Variants in CDC14A observed in about 807,000 individuals in gnomAD.
CDC14A encodes cell division cycle 14A.
A neutral mutation model predicts 74.4 loss-of-function variants in CDC14A; 53 were observed. The observed-to-expected ratio is 0.71, with a 90% CI of 0.57 to 0.89. The LOEUF is 0.89. Ranked by LOEUF, CDC14A falls within the 40% of genes least tolerant of loss-of-function variation. The pLI is 0.00. For synonymous variants in CDC14A, 247 were observed against 258.4 expected (o/e 0.96, Z 0.43); for missense variants, 646 against 713.7 (o/e 0.91, Z 1.08).
chr1:100,458,689 A>ATT lies in CDC14A; in HGVS notation c.607+3211_607+3212dup, dbSNP rs397793689. 3.8e-3 allele frequency among the ~76,000 whole-genome samples: 548 copies of ATT among 145,698 alleles called. 8 individuals are homozygous for ATT. Among genetic ancestry groups the ATT allele is most frequent in the African/African-American group, 0.012 (486 of 39,900 alleles). ...ATCCAATTACAGTGACGTCTTGGTAATTTTTTTTTTTTTTTGAATTGAGAA... is the reference window on the plus strand; with the variant it reads ...ATCCAATTACAGTGACGTCTTGGTAATTTTTTTTTTTTTTTTTGAATTGAGAA... On this transcript the variant is annotated intron_variant, in intron 8 of 15. Transcript: ENST00000336454.
chr1:100,425,305 G>A (rs1286728283), intron 5 of CDC14A, among the ~76,000 whole-genome samples: 1 of 152,070 alleles, frequency 6.6e-6, no homozygotes, highest in Non-Finnish European at 1.5e-5. Flanking sequence ...GCAAGCATGT[G>A]TATTGCTTAT....
intron 9 of CDC14A, among the ~76,000 whole-genome samples, chr1:100,463,653 A>G (rs761773052): frequency 3.9e-5 from 6 of 152,246 alleles, no homozygotes; most frequent in Non-Finnish European, 8.8e-5. Flanking sequence ...TGCAGGGAAC[A>G]TGCATTCTGT....
intron 2 of CDC14A, among the ~76,000 whole-genome samples, chr1:100,369,851 C>T (rs1170343546): frequency 6.6e-6 from 1 of 150,476 alleles, no homozygotes; most frequent in African/African-American, 2.4e-5. Flanking sequence ...TTTTGAGACA[C>T]CTAAGTTGGA....
chr1:100,468,128 C>G (rs764641698), intron 10 of CDC14A, 34 bp downstream of exon 10: 2 of 1,611,310 alleles, frequency 1.2e-6, no homozygotes, highest in South Asian at 2.2e-5. Context: ...ACATTATATC[C>G]TGTTCTTGAT....
At chr1:100,419,059 A>G (rs1029028026) in intron 4 of CDC14A, among the ~76,000 whole-genome samples, 1 of 152,060 alleles carries the variant, frequency 6.6e-6, no homozygotes, top group Non-Finnish European at 1.5e-5. Context: ...GGTGGTGTGT[A>G]CCTGTAGTCC....
chr1:100,431,604 G>A lies in CDC14A; in HGVS notation c.389+7303G>A, dbSNP rs867031628. On this transcript the variant is annotated intron_variant, in intron 5 of 15. Transcript: ENST00000336454. ...TTCCTGTAATCCCAGTGCTTTAGGA[G>A]GCCGAGGCAAGAGGATCACTTGAAC... Among the ~76,000 whole-genome samples the A allele has an allele frequency of 2.6e-5, 4 of 151,996 alleles. 1 individual carries two copies. The South Asian group carries it at 8.3e-4, about 31-fold the overall frequency.
chr1:100,407,870 T>C (rs1483041701), intron 4 of CDC14A, among the ~76,000 whole-genome samples: 1 of 152,218 alleles, frequency 6.6e-6, no homozygotes, highest in African/African-American at 2.4e-5. Context: ...ATTCATGGGA[T>C]ACATACTGAT....
chr1:100,368,570 T>G (rs996323972), intron 2 of CDC14A, among the ~76,000 whole-genome samples: 33 of 152,374 alleles, frequency 2.2e-4, no homozygotes, highest in African/African-American at 7.5e-4. Context: ...TGGAATTTGA[T>G]GACGAATTCT....
At chr1:100,393,490 GTC>G in intron 4 of CDC14A, 2 of 769,124 alleles carry the variant, frequency 2.6e-6, no homozygotes, top group South Asian at 1.3e-5. Context: ...CGAGCAGCCA[GTC>G]TCTCAAATTC....
At chr1:100,437,012 C>G (rs1664418529) in intron 5 of CDC14A, among the ~76,000 whole-genome samples, 1 of 152,040 alleles carries the variant, frequency 6.6e-6, no homozygotes, top group Non-Finnish European at 1.5e-5. Flanking sequence ...ATGGTGAAAC[C>G]CTGGCTCTAC....
At chr1:100,355,979 G>A (rs949293327) in intron 2 of CDC14A, among the ~76,000 whole-genome samples, 11 of 152,196 alleles carry the variant, frequency 7.2e-5, no homozygotes, top group Non-Finnish European at 1.3e-4. Flanking sequence ...TTGGCTTGAA[G>A]GATGGACAAG....
At chr1:100,352,003 T>TGCGC (rs370715549), upstream of CDC14A, among the ~76,000 whole-genome samples, 5 of 122,842 alleles carry the variant, frequency 4.1e-5, no homozygotes, top group Admixed American at 8.2e-5. Flanking sequence ...TGTGTGTGTG[T>TGCGC]GCGCGCGCGC....
intron 15 of CDC14A, chr1:100,504,707 C>G: frequency 1.3e-6 from 1 of 790,088 alleles, no homozygotes; most frequent in Admixed American, 2.1e-5. Context: ...AACATAAATA[C>G]TGACTTTCTT....
intron 10 of CDC14A, among the ~76,000 whole-genome samples, chr1:100,472,027 A>T (rs1251953010): frequency 1.3e-5 from 2 of 152,162 alleles, no homozygotes; most frequent in African/African-American, 4.8e-5. Flanking sequence ...AGAGAGTGAA[A>T]ATGAAAACCA....
At chr1:100,402,903 C>A (rs1359266339) in intron 4 of CDC14A, among the ~76,000 whole-genome samples, 1 of 152,198 alleles carries the variant, frequency 6.6e-6, no homozygotes, top group East Asian at 1.9e-4. Context: ...TTCAAATACA[C>A]TAGTCATACA....
intron 2 of CDC14A, among the ~76,000 whole-genome samples, chr1:100,357,879 C>T (rs1212370816): frequency 6.6e-6 from 1 of 152,110 alleles, no homozygotes; most frequent in African/African-American, 2.4e-5. Context: ...GTGTTTTGCG[C>T]AGATGTTTCT....
At chr1:100,373,208 AAT>A (rs1657457059) in intron 2 of CDC14A, among the ~76,000 whole-genome samples, 1 of 150,352 alleles carries the variant, frequency 6.7e-6, no homozygotes, top group Non-Finnish European at 1.5e-5. Flanking sequence ...TAGGGTTATT[AAT>A]TGGCCTGATT....
Position 100,353,831 on chromosome 1 carries a change from A to G in CDC14A, c.119A>G (p.Asp40Gly). 1.2e-6 allele frequency: 2 copies of G among 1,605,742 alleles called. No individual in the cohort carries two copies. Among genetic ancestry groups the G allele is most frequent in the Non-Finnish European group, 1.7e-6 (2 of 1,173,890 alleles). ...STVNTHYFSIDEELVYENFYA... is the reference protein window; with the variant it reads ...STVNTHYFSIGEELVYENFYA... The stretch of plus-strand genomic sequence containing the variant: ...GTAAATACCCACTATTTCTCCATCG[A>G]TGAGGAGCTGGTCTATGAAAAGTAA... The change falls in exon 2 of 16, where the codon GAT (aspartate) becomes GGT (glycine). Residue 40 changes from aspartate to glycine, a missense_variant. By Grantham distance (94) the Asp-to-Gly change is moderately conservative (BLOSUM62 -1). Coordinates refer to ENST00000336454, the MANE Select transcript of CDC14A (RefSeq NM_003672.4).
At chr1:100,409,231 A>T (rs1457375917) in intron 4 of CDC14A, among the ~76,000 whole-genome samples, 1 of 152,202 alleles carries the variant, frequency 6.6e-6, no homozygotes, top group Non-Finnish European at 1.5e-5. Context: ...TCACAAACAT[A>T]GCACGGGAAA....
Sources: allele counts gnomAD v4.1 joint callset (sites outside exome capture counted in the v4.1 genomes callset), GRCh38; gene constraint gnomAD v4.1.1; transcripts MANE v1.5; gene names NCBI Gene and HGNC (gene_info 2026-07-23, HGNC 2026-07-21).